EFCAB3: variants seen among roughly 807,000 people sequenced by gnomAD.
EFCAB3 encodes EF-hand calcium binding domain 3, also known as EF-hand calcium-binding domain-containing protein 3.
Under a neutral mutation model 42.2 loss-of-function variants are expected in EFCAB3, and 36 were observed. The observed-to-expected ratio is 0.85, with a 90% CI of 0.65 to 1.13. The LOEUF (loss-of-function observed/expected upper bound fraction) is 1.13, where lower values mean the gene tolerates loss of function less well. Ranked by LOEUF, EFCAB3 falls within the 50% of genes most tolerant of loss-of-function variation. The pLI is 0.00. For synonymous variants in EFCAB3, 170 were observed against 172.8 expected (o/e 0.98, Z 0.13); for missense variants, 418 against 505.1 (o/e 0.83, Z 1.65).
Position 62,403,564 on chromosome 17 carries a change from T to C in EFCAB3, c.489-2916T>C, listed in dbSNP as rs541217348. 6.6e-5 allele frequency among the ~76,000 whole-genome samples: 10 copies of C among 152,358 alleles called. No homozygotes were observed. The East Asian group carries it at 1.9e-3, about 29-fold the overall frequency. On this transcript the variant is annotated intron_variant, in intron 6 of 9. Transcript: ENST00000305286. ...CTACAGTGACCTCTCAGGTTTCCTA[T>C]GAAAAAGTTCTAACTTAACGTGACA...
intron 6 of EFCAB3, among the ~76,000 whole-genome samples, chr17:62,400,567 T>A (rs1042223082): frequency 6.6e-6 from 1 of 152,246 alleles, no homozygotes; most frequent in Non-Finnish European, 1.5e-5. Context: ...CTCATCCTTT[T>A]TCGTGGCTGC....
intron 2 of EFCAB3, 122 bp downstream of exon 2, chr17:62,383,175 G>A: frequency 1.2e-6 from 1 of 859,594 alleles, no homozygotes; most frequent in Non-Finnish European, 1.8e-6. Context: ...CTAAAAAAAA[G>A]AAAATTATTG....
chr17:62,406,971 T>A (rs1237488896), intron 7 of EFCAB3, 57 bp from the exon 8 acceptor site: 2 of 1,521,204 alleles, frequency 1.3e-6, no homozygotes, highest in Admixed American at 4.3e-5. Context: ...TGCTGGTCTT[T>A]TATGTGAACT....
chr17:62,373,928 T>C, intron 2 of EFCAB3: 4 of 863,214 alleles, frequency 4.6e-6, no homozygotes, highest in Non-Finnish European at 7.1e-6. Context: ...TGTATTTTTA[T>C]CTGTGTTTTC....
intron 8 of EFCAB3, among the ~76,000 whole-genome samples, chr17:62,407,624 G>A (rs1567728187): frequency 6.6e-6 from 1 of 152,098 alleles, no homozygotes; most frequent in Non-Finnish European, 1.5e-5. Flanking sequence ...GGGCCATCCT[G>A]CCCTCGACTA....
At chr17:62,409,475 T>C (rs186300758) in intron 8 of EFCAB3, among the ~76,000 whole-genome samples, 2 of 152,216 alleles carry the variant, frequency 1.3e-5, no homozygotes, top group African/African-American at 4.8e-5. Flanking sequence ...TTCAAGGCTA[T>C]AATATGCTAT....
At chr17:62,400,718 A>G (rs2070393666) in intron 6 of EFCAB3, among the ~76,000 whole-genome samples, 1 of 152,146 alleles carries the variant, frequency 6.6e-6, no homozygotes, top group South Asian at 2.1e-4. Flanking sequence ...TAGCAGCATG[A>G]TTTATAATCA....
chr17:62,373,633 CT>C (rs200446219), intron 1 of EFCAB3, among the ~76,000 whole-genome samples: 6 of 151,484 alleles, frequency 4.0e-5, no homozygotes, highest in Admixed American at 1.3e-4. Context: ...AAAAGTTCAT[CT>C]TTTTTTTTCC....
Position 62,391,959 on chromosome 17 carries a change from A to G in EFCAB3, c.289A>G (p.Ile97Val). 6.2e-7 allele frequency: 1 copy of G among 1,601,694 alleles called. No individual in the cohort carries two copies. The highest frequency in any genetic ancestry group is 8.5e-7 in the Non-Finnish European group (1 of 1,172,340). Reference protein sequence around the residue: ...DVYNELKCADIDRDGKVNFSD... With the variant: ...DVYNELKCADVDRDGKVNFSD... ...CTATAATGAATTGAAATGTGCTGAT[A>G]TTGATCGTGAGTCCTTTGGCTTCTC... The change falls in exon 4 of 10, where the codon ATT becomes GTT. Residue 97 changes from isoleucine (I) to valine (V), a missense_variant. By Grantham distance (29) the Ile-to-Val change is conservative. Coordinates refer to ENST00000305286, the MANE Select transcript of EFCAB3 (RefSeq NM_173503.4).
chr17:62,408,505 C>T (rs987061701), intron 8 of EFCAB3, among the ~76,000 whole-genome samples: 3 of 152,202 alleles, frequency 2.0e-5, no homozygotes, highest in African/African-American at 7.2e-5. Context: ...ATGTCCCACA[C>T]AATCAAAACC....
chr17:62,398,806 C>G (rs1334862606), intron 6 of EFCAB3, among the ~76,000 whole-genome samples: 1 of 151,972 alleles, frequency 6.6e-6, no homozygotes, highest in Non-Finnish European at 1.5e-5. Context: ...ATTCAACGTA[C>G]GTTAAATAAA....
chr17:62,392,033 T>A lies in EFCAB3; in HGVS notation c.295+68T>A, dbSNP rs191596287. ...TTGTGAATATATAGTTTTCTTTTAATGACTGTATAAACATGAGAAACAAAT... is the reference window on the plus strand; with the variant it reads ...TTGTGAATATATAGTTTTCTTTTAAAGACTGTATAAACATGAGAAACAAAT... On this transcript the variant is annotated intron_variant, in intron 4 of 9. Coordinates refer to ENST00000305286, the MANE Select transcript of EFCAB3 (RefSeq NM_173503.4). 18 of 1,491,386 alleles carry A rather than the reference T, an allele frequency of 1.2e-5. No individual in the cohort carries two copies. The South Asian group carries it at 2.3e-4, about 19-fold the overall frequency. 92.4% of individuals were successfully genotyped at this position (1,491,386 alleles called of 1,614,324 possible). A position where few individuals can be genotyped will look rare whatever the true frequency, so the allele number is the denominator to read the frequency against.
At chr17:62,376,832 C>T (rs1336084435), upstream of EFCAB3, among the ~76,000 whole-genome samples, 1 of 152,074 alleles carries the variant, frequency 6.6e-6, no homozygotes, top group East Asian at 1.9e-4. Flanking sequence ...TGTAAGGTTC[C>T]ACATGAGAAT....
At chr17:62,403,913 G>A (rs1329835901) in intron 6 of EFCAB3, among the ~76,000 whole-genome samples, 1 of 152,166 alleles carries the variant, frequency 6.6e-6, no homozygotes. Flanking sequence ...GCCTCCCAAA[G>A]TGCTGGGATT....
chr17:62,375,174 C>A (rs2070140615), intron 2 of EFCAB3, among the ~76,000 whole-genome samples: 1 of 152,254 alleles, frequency 6.6e-6, no homozygotes. Context: ...CAAGTATCCA[C>A]AAAATGAATT....
At chr17:62,398,158 A>ATCTTTTGGCC in intron 6 of EFCAB3, 2 of 242,684 alleles carry the variant, frequency 8.2e-6, no homozygotes, top group African/African-American at 2.3e-5. Flanking sequence ...AATAGTGAAA[A>ATCTTTTGGCC]CACTGTAGTG....
rs2070450509 is a variant in EFCAB3 at position 62,406,609 on chromosome 17, T to C, written c.618T>C (p.Ala206=). The C allele has an allele frequency of 1.2e-6, 2 of 1,614,146 alleles. No homozygotes were observed. Among genetic ancestry groups the C allele is most frequent in the Non-Finnish European group, 8.5e-7 (1 of 1,180,018 alleles). ...CAAGCTCAAGCATGGCTGCCTTTGC[T>C]AATGCTGCCCGGATTGCAATAATGA... ...TPPSSSMAAF[A]NAARIAIMKE... The change falls in exon 7 of 10, where the codon GCT becomes GCC. Residue 206 remains alanine, a synonymous_variant. Transcript: ENST00000305286.
rs1354418721 is a variant in EFCAB3, at chr17:62,406,545, A to C, written c.554A>C (p.Tyr185Ser). 1.2e-6 allele frequency: 2 copies of C among 1,613,862 alleles called. No individual in the cohort carries two copies. The highest frequency in any genetic ancestry group is 1.7e-6 in the Non-Finnish European group (2 of 1,179,988). The change falls in exon 7 of 10, where the codon TAT becomes TCT. Residue 185 changes from tyrosine to serine, a missense_variant. Transcript: ENST00000305286. ...GMLWSPYTMG[Y>S]GKRTLKPDIC... Reference sequence around the variant, plus strand: ...TTGTGGAGTCCCTACACTATGGGCTATGGAAAAAGGACACTTAAGCCAGAC... The same window carrying C: ...TTGTGGAGTCCCTACACTATGGGCTCTGGAAAAAGGACACTTAAGCCAGAC...
chr17:62,390,534 T>C (rs1235910184), intron 3 of EFCAB3, among the ~76,000 whole-genome samples: 1 of 152,252 alleles, frequency 6.6e-6, no homozygotes, highest in African/African-American at 2.4e-5. Context: ...ACCTATTTAT[T>C]ACATTTATAT....
Sources: allele counts gnomAD v4.1 joint callset (sites outside exome capture counted in the v4.1 genomes callset), GRCh38; gene constraint gnomAD v4.1.1; transcripts MANE v1.5; gene names NCBI Gene and HGNC (gene_info 2026-07-23, HGNC 2026-07-21).